ZNF254: variants seen among roughly 807,000 people sequenced by gnomAD.
ZNF254 encodes CTD-2017D11.1.
A neutral mutation model predicts 12.4 loss-of-function variants in ZNF254; 10 were observed. That is an observed-to-expected ratio of 0.80 (90% confidence interval 0.50 to 1.36). The LOEUF is 1.36. ZNF254 is among the 40% of genes most tolerant of loss of function. ZNF254 has a pLI of 0.00. For missense variants in ZNF254, 996 were observed against 763.9 expected (o/e 1.30, Z -3.58); for synonymous variants, 305 against 253.4 (o/e 1.20, Z -1.93).
chr19:24,113,005 C>A (rs1389885072), intron 3 of ZNF254, among the ~76,000 whole-genome samples: 1 of 152,092 alleles, frequency 6.6e-6, no homozygotes, highest in Non-Finnish European at 1.5e-5. Context: ...TCTGAAGAGA[C>A]CAATAAAAGG....
intron 1 of ZNF254, among the ~76,000 whole-genome samples, chr19:24,099,486 G>A (rs185885756): frequency 2.4e-4 from 36 of 152,320 alleles, no homozygotes; most frequent in African/African-American, 8.7e-4. Context: ...ACAGTCTTCA[G>A]GGAGTAGAGA....
chr19:24,077,370 T>C (rs1392438574), intron 2 of ZNF254, among the ~76,000 whole-genome samples: 1 of 152,172 alleles, frequency 6.6e-6, no homozygotes, highest in African/African-American at 2.4e-5. Flanking sequence ...CAGAATAAAC[T>C]TTCCAAATTT....
chr19:24,087,424 C>A (rs1284276376), intron 1 of ZNF254, 87 bp downstream of exon 1: 73 of 1,548,640 alleles, frequency 4.7e-5, no homozygotes, highest in Non-Finnish European at 5.9e-5. Flanking sequence ...TCAGGCCTCC[C>A]CCCAGTCAGC....
chr19:24,061,517 T>C (rs1240311545), intron 2 of ZNF254, among the ~76,000 whole-genome samples: 1 of 152,240 alleles, frequency 6.6e-6, no homozygotes, highest in Non-Finnish European at 1.5e-5. Flanking sequence ...ATGTCTCTCC[T>C]GCATGTGCAT....
chr19:24,076,645 T>G (rs1411651371), intron 2 of ZNF254, among the ~76,000 whole-genome samples: 1 of 152,224 alleles, frequency 6.6e-6, no homozygotes, highest in Non-Finnish European at 1.5e-5. Flanking sequence ...GAAAAAAATT[T>G]ATTTGAATTG....
intron 3 of ZNF254, among the ~76,000 whole-genome samples, chr19:24,114,848 T>C (rs1973929365): frequency 1.3e-5 from 2 of 151,438 alleles, no homozygotes. Context: ...AACAACCCCA[T>C]CAAAAAGTGG....
At chr19:24,071,376 CTA>C (rs1971474747) in intron 2 of ZNF254, among the ~76,000 whole-genome samples, 1 of 152,192 alleles carries the variant, frequency 6.6e-6, no homozygotes, top group African/African-American at 2.4e-5. Flanking sequence ...GATGATATGA[CTA>C]TTTTTTGTCT....
intron 3 of ZNF254, among the ~76,000 whole-genome samples, chr19:24,116,962 C>T (rs987977839): frequency 6.6e-6 from 1 of 152,182 alleles, no homozygotes; most frequent in Non-Finnish European, 1.5e-5. Flanking sequence ...ATGTCCACTC[C>T]AGACCCTATT....
At chr19:24,096,810 A>G (rs1464309719) in intron 1 of ZNF254, among the ~76,000 whole-genome samples, 1 of 152,194 alleles carries the variant, frequency 6.6e-6, no homozygotes, top group Admixed American at 6.5e-5. Flanking sequence ...ATAGATCTCT[A>G]AGAACTTGCT....
At chr19:24,054,795 A>G (rs1197654486) in intron 2 of ZNF254, among the ~76,000 whole-genome samples, 2 of 152,174 alleles carry the variant, frequency 1.3e-5, no homozygotes, top group East Asian at 3.9e-4. Flanking sequence ...CAACAAATTA[A>G]GAGAGATGTT....
chr19:24,081,860 C>T (rs965079561), intron 2 of ZNF254, among the ~76,000 whole-genome samples: 4 of 152,190 alleles, frequency 2.6e-5, no homozygotes, highest in South Asian at 2.1e-4. Flanking sequence ...CAGTATCTCA[C>T]GCCTGTAATC....
In ZNF254 at chr19:24,096,851, A is replaced by C. The variant is rs562300903; in HGVS notation, c.31-9089A>C. On this transcript the variant is annotated intron_variant, in intron 1 of 3. Coordinates refer to ENST00000357002, the MANE Select transcript of ZNF254 (RefSeq NM_203282.4). Reference sequence around the variant, plus strand: ...CATGTGAACCCATGAATTTTATACAACACCTTTCTCTCTTCTGCTTTTTCT... The same window carrying C: ...CATGTGAACCCATGAATTTTATACACCACCTTTCTCTCTTCTGCTTTTTCT... Among the ~76,000 whole-genome samples the C allele has an allele frequency of 3.3e-5, 5 of 152,278 alleles. No homozygotes were observed. In the South Asian group the frequency reaches 1.0e-3, roughly 32 times the overall value.
rs398034320 is a variant in ZNF254, at chr19:24,048,003, C to CTTTTTTTTTTTTTTTTTTTTTTT, written c.-94+1725_-94+1747dup. Among the ~76,000 whole-genome samples the CTTTTTTTTTTTTTTTTTTTTTTT allele has an allele frequency of 4.4e-4, 30 of 68,818 alleles. 5 individuals are homozygous for CTTTTTTTTTTTTTTTTTTTTTTT. Among genetic ancestry groups the CTTTTTTTTTTTTTTTTTTTTTTT allele is most frequent in the Admixed American group, 6.8e-4 (3 of 4,438 alleles). 45.1% of individuals were successfully genotyped at this position (68,818 alleles called of 152,430 possible). A position where few individuals can be genotyped will look rare whatever the true frequency, so the allele number is the denominator to read the frequency against. ...CACCCGGCTCTTTTTTTCTTTTCTT[C>CTTTTTTTTTTTTTTTTTTTTTTT]TTTTTTTTTTTTTTTTTTTTTTTGC... On this transcript the variant is annotated intron_variant, in intron 2 of 4. Transcript: ENST00000613065.
chr19:24,073,435 T>C (rs1410409687), intron 2 of ZNF254, among the ~76,000 whole-genome samples: 1 of 152,138 alleles, frequency 6.6e-6, no homozygotes, highest in Non-Finnish European at 1.5e-5. Flanking sequence ...AGGAAGAAAG[T>C]TTCAGAGAAA....
Position 24,127,971 on chromosome 19 carries a change from A to G in ZNF254, c.1971A>G (p.Leu657=). Reference sequence around the variant, plus strand: ...AGATAACTCATTGGAGAGAAATCTTACAAGTATGAATAATGTGCCAAAGCC... The same window carrying G: ...AGATAACTCATTGGAGAGAAATCTTGCAAGTATGAATAATGTGCCAAAGCC... ...TDKITHWREI[L]QV is the part of the protein sequence containing the mutation. Residue 657 remains leucine, a synonymous_variant, in exon 4 of 4, where the codon TTA becomes TTG. Coordinates refer to ENST00000357002, the MANE Select transcript of ZNF254 (RefSeq NM_203282.4). The G allele has an allele frequency of 1.3e-6, 2 of 1,553,120 alleles. No homozygotes were observed. Among genetic ancestry groups the G allele is most frequent in the Admixed American group, 2.0e-5 (1 of 48,912 alleles).
At chr19:24,124,116 T>TA in intron 3 of ZNF254, among the ~76,000 whole-genome samples, 1 of 152,064 alleles carries the variant, frequency 6.6e-6, no homozygotes, top group Non-Finnish European at 1.5e-5. Context: ...GGCTTTGACT[T>TA]ATTTTGTTTT....
intron 3 of ZNF254, among the ~76,000 whole-genome samples, chr19:24,116,729 T>C (rs565420212): frequency 3.3e-5 from 5 of 152,310 alleles, no homozygotes; most frequent in South Asian, 4.1e-4. Flanking sequence ...CTTTGTTCCA[T>C]TGATGGTGAG....
intron 2 of ZNF254, among the ~76,000 whole-genome samples, chr19:24,052,401 C>G (rs67822991): frequency 0.15 from 22,605 of 152,184 alleles, 1,939 homozygotes; most frequent in Middle Eastern, 0.23. Flanking sequence ...CCCATGAAAT[C>G]GGAGGCTTCT....
In ZNF254 at chr19:24,038,060, A is replaced by G. The variant is rs1179766668; in HGVS notation, c.-190+4439A>G. Among the ~76,000 whole-genome samples the G allele has an allele frequency of 3.9e-5, 6 of 152,208 alleles. No homozygotes were observed. The East Asian group carries it at 5.8e-4, about 15-fold the overall frequency. ...CTGTACCTGGCCAGAAAACTTTTAT[A>G]TAATTCTTTTCTGCCTACTTGAAAT... On this transcript the variant is annotated intron_variant, in intron 1 of 4. Coordinates refer to the ZNF254 transcript ENST00000613065.
Sources: gnomAD v4.1 joint callset for allele counts (sites outside exome capture counted in the v4.1 genomes callset) on GRCh38, gnomAD v4.1.1 for gene constraint, MANE v1.5 for transcripts, NCBI Gene and HGNC (gene_info 2026-07-23, HGNC 2026-07-21) for gene names.